AK7: variants seen among roughly 807,000 people sequenced by gnomAD.
AK7 encodes adenylate kinase 7.
AK7 carries 78 observed loss-of-function variants against 96.6 expected under a neutral mutation model. That is an observed-to-expected ratio of 0.81 (90% CI 0.67 to 0.97). The LOEUF is 0.97. Among genes scored for constraint, AK7 ranks in the 50% least tolerant of loss-of-function variants. The pLI, the probability that AK7 is intolerant of heterozygous loss-of-function variation, is 0.00. For missense variants in AK7, 855 were observed against 887.9 expected, an observed-to-expected ratio of 0.96 and a Z score of 0.47; for synonymous variants, 302 against 317.2, an observed-to-expected ratio of 0.95 and a Z score of 0.51.
At chr14:96,457,078 T>G (rs1168758265) in intron 11 of AK7, 1 of 146,334 alleles carries the variant, frequency 6.8e-6, no homozygotes, top group African/African-American at 2.6e-5. Context: ...TTTTTTTTTT[T>G]GAGATGGAGT....
At chr14:96,407,679 A>T (rs575549845) in intron 3 of AK7, among the ~76,000 whole-genome samples, 94 of 146,740 alleles carry the variant, frequency 6.4e-4, no homozygotes, top group East Asian at 3.4e-3. Flanking sequence ...CCTCCCGGGT[A>T]CACGCCATTC....
chr14:96,397,381 G>A (rs1010428680), intron 1 of AK7, among the ~76,000 whole-genome samples: 5 of 151,808 alleles, frequency 3.3e-5, no homozygotes, highest in East Asian at 3.9e-4. Context: ...CCCGAGTAGC[G>A]GGGACTACAG....
intron 10 of AK7, 97 bp downstream of exon 10, chr14:96,451,667 C>A (rs1019266793): frequency 8.2e-7 from 1 of 1,224,106 alleles, no homozygotes. Context: ...CTTTTTCAGA[C>A]GTTCAAATTT....
intron 16 of AK7, among the ~76,000 whole-genome samples, chr14:96,484,864 T>C (rs766616620): frequency 3.9e-5 from 6 of 152,094 alleles, no homozygotes; most frequent in Non-Finnish European, 7.4e-5. Flanking sequence ...GTGCCTAGAA[T>C]AGTGCCTGGC....
At chr14:96,409,761 C>T (rs1205274329) in intron 4 of AK7, among the ~76,000 whole-genome samples, 1 of 152,212 alleles carries the variant, frequency 6.6e-6, no homozygotes, top group Non-Finnish European at 1.5e-5. Context: ...AGTCATTCTT[C>T]CAACATTCTC....
In AK7 at chr14:96,488,493, CTA is replaced by C. The variant is rs1417272745; in HGVS notation, c.*154_*155del. On this transcript the variant is annotated 3_prime_UTR_variant, in exon 18 of 18. Coordinates refer to ENST00000267584, the MANE Select transcript of AK7 (RefSeq NM_152327.5). The stretch of plus-strand genomic sequence containing the variant: ...TATAAACTAGAATCTCTATTAAAAG[CTA>C]TATGACATGACTATGTCATTAAAAC... 3.3e-6 allele frequency: 2 copies of C among 606,726 alleles called. No individual in the cohort carries two copies. Among genetic ancestry groups the C allele is most frequent in the African/African-American group, 3.7e-5 (2 of 53,704 alleles). 37.6% of individuals were successfully genotyped at this position (606,726 alleles called of 1,614,324 possible). A position where few individuals can be genotyped will look rare whatever the true frequency, so the allele number is the denominator to read the frequency against.
Position 96,397,008 on chromosome 14 carries a change from G to A in AK7, c.106-1067G>A, listed in dbSNP as rs994799044. 7.9e-5 allele frequency among the ~76,000 whole-genome samples: 12 copies of A among 152,274 alleles called. No homozygotes were observed. The East Asian group carries it at 2.3e-3, about 29-fold the overall frequency. Reference sequence around the variant, plus strand: ...GCTACTCAGGAGGCTGAGGCCGGAGGATTGGTTGAGGCCAGGAGTTTGAGG... The same window carrying A: ...GCTACTCAGGAGGCTGAGGCCGGAGAATTGGTTGAGGCCAGGAGTTTGAGG... On this transcript the variant is annotated intron_variant, in intron 1 of 17. Coordinates refer to ENST00000267584, the MANE Select transcript of AK7 (RefSeq NM_152327.5).
chr14:96,473,782 T>C (rs1185963484), intron 14 of AK7, among the ~76,000 whole-genome samples: 2 of 152,170 alleles, frequency 1.3e-5, no homozygotes, highest in Non-Finnish European at 2.9e-5. Flanking sequence ...TCGTGAGTCA[T>C]GTAGCCTCCT....
chr14:96,458,934 A>AAAAAAAAG (rs1894099187), intron 12 of AK7, among the ~76,000 whole-genome samples: 1 of 124,990 alleles, frequency 8.0e-6, no homozygotes, highest in African/African-American at 3.0e-5. Flanking sequence ...AAAAAAAAAA[A>AAAAAAAAG]AAAAGGTGAA....
intron 14 of AK7, among the ~76,000 whole-genome samples, chr14:96,476,959 G>A (rs994984313): frequency 2.0e-5 from 3 of 152,182 alleles, no homozygotes; most frequent in Admixed American, 6.5e-5. Context: ...ATAGATGTCC[G>A]ACATCATAGA....
intron 1 of AK7, 86 bp downstream of exon 1, chr14:96,392,345 G>A: frequency 1.7e-6 from 2 of 1,206,418 alleles, no homozygotes; most frequent in Non-Finnish European, 2.4e-6. Context: ...GCGAGGGTCT[G>A]CGCCCCAGGG....
chr14:96,428,148 G>A (rs1244209123), intron 5 of AK7, among the ~76,000 whole-genome samples: 1 of 151,990 alleles, frequency 6.6e-6, no homozygotes, highest in Non-Finnish European at 1.5e-5. Context: ...AGTGTGTGAT[G>A]TTCCCCACCC....
At chr14:96,417,119 T>C (rs1020975693) in intron 4 of AK7, among the ~76,000 whole-genome samples, 1 of 152,198 alleles carries the variant, frequency 6.6e-6, no homozygotes, top group Non-Finnish European at 1.5e-5. Context: ...TTAGGTGACC[T>C]GGCCCAGCAT....
chr14:96,427,233 G>A (rs2150311), intron 5 of AK7, among the ~76,000 whole-genome samples: 10,673 of 152,124 alleles, frequency 0.07, 1,291 homozygotes, highest in African/African-American at 0.24. Context: ...CAACAAGAGC[G>A]AAACTCCGTC....
At chr14:96,411,769 C>T (rs888773199) in intron 4 of AK7, among the ~76,000 whole-genome samples, 5 of 152,230 alleles carry the variant, frequency 3.3e-5, no homozygotes, top group South Asian at 2.1e-4. Context: ...TTGAAGGGGG[C>T]GTGGCAGAAG....
chr14:96,408,986 A>G (rs2140006812), intron 4 of AK7, 45 bp downstream of exon 4: 1 of 1,588,444 alleles, frequency 6.3e-7, no homozygotes, highest in South Asian at 1.1e-5. Flanking sequence ...TTCAGCCATA[A>G]CACCTTGTAA....
chr14:96,467,287 T>C (rs1894622667), intron 12 of AK7, among the ~76,000 whole-genome samples: 1 of 151,992 alleles, frequency 6.6e-6, no homozygotes, highest in South Asian at 2.1e-4. Flanking sequence ...TTAGATCAAA[T>C]TGAAGATTCC....
chr14:96,453,447 G>A (rs1041570360), intron 10 of AK7, among the ~76,000 whole-genome samples: 2 of 152,208 alleles, frequency 1.3e-5, no homozygotes, highest in Non-Finnish European at 2.9e-5. Flanking sequence ...AAACACTACC[G>A]AGGCCAGTGT....
chr14:96,462,902 C>A (rs1270900388), intron 12 of AK7, among the ~76,000 whole-genome samples: 1 of 152,000 alleles, frequency 6.6e-6, no homozygotes, highest in Admixed American at 6.6e-5. Context: ...CTTTGGGAGG[C>A]CAAAGAGGGC....
Sources: allele counts gnomAD v4.1 joint callset (sites outside exome capture counted in the v4.1 genomes callset), GRCh38; gene constraint gnomAD v4.1.1; transcripts MANE v1.5; gene names NCBI Gene and HGNC (gene_info 2026-07-23, HGNC 2026-07-21).